The following GALNT10 variants were observed in gnomAD, a reference collection of about 807,000 sequenced individuals.
GALNT10 encodes GalNAc transferase 10.
GALNT10 carries 41 observed loss-of-function variants against 75.0 expected under a neutral mutation model. That is an observed-to-expected ratio of 0.55 (90% CI 0.43 to 0.71). The LOEUF is 0.71. Among genes scored for constraint, GALNT10 ranks in the 30% least tolerant of loss-of-function variants. The probability of loss-of-function intolerance (pLI) is 0.00; values close to 1 mark genes in which losing one functional copy is unlikely to be tolerated. For missense variants in GALNT10, 727 were observed against 818.5 expected (o/e 0.89, Z 1.36); for synonymous variants, 302 against 313.0 (o/e 0.96, Z 0.37).
Position 154,273,027 on chromosome 5 carries a change from C to T in GALNT10, c.160-21789C>T, listed in dbSNP as rs547491407. On this transcript the variant is annotated intron_variant, in intron 1 of 11. Transcript: ENST00000297107. ...GGCTGCAGATGGGGAATGCTGAGGG[C>T]GAGGGGTCAGCTGAGGCCAAGAGGG... Among the ~76,000 whole-genome samples the T allele has an allele frequency of 2.6e-5, 4 of 151,994 alleles. No individual in the cohort carries two copies. In the South Asian group the frequency reaches 6.2e-4, roughly 24 times the overall value.
rs1755715971 is a variant in GALNT10, at chr5:154,380,471, A to G, written c.778A>G (p.Thr260Ala). ...AGACCGCATTGCTCGGAACCGCAAG[A>G]CCATTGTGTGCCCGATGATTGATGT... The part of the protein sequence containing the change: ...LLDRIARNRK[T>A]IVCPMIDVID... The change falls in exon 6 of 12, where the codon ACC becomes GCC. Residue 260 changes from threonine to alanine, a missense_variant. Physicochemically the swap from Thr to Ala is moderately conservative, Grantham distance 58. Transcript: ENST00000297107. 1.2e-6 allele frequency: 2 copies of G among 1,614,086 alleles called. No individual in the cohort carries two copies. The highest frequency in any genetic ancestry group is 1.7e-6 in the Non-Finnish European group (2 of 1,179,968).
chr5:154,253,833 G>A lies in GALNT10; in HGVS notation c.160-40983G>A, dbSNP rs372498199. On this transcript the variant is annotated intron_variant, in intron 1 of 11. Coordinates refer to ENST00000297107, the MANE Select transcript of GALNT10 (RefSeq NM_198321.4). ...AATTCCTCTTTCCTTTGTCTCCATT[G>A]TTCCTGTCCTGCTCAGTTTGGACTT... Among the ~76,000 whole-genome samples, 10 of 144,088 alleles carry A rather than the reference G, an allele frequency of 6.9e-5. No individual in the cohort carries two copies. In the South Asian group the frequency reaches 8.7e-4, roughly 13 times the overall value. 94.5% of individuals were successfully genotyped at this position (144,088 alleles called of 152,430 possible).
intron 1 of GALNT10, among the ~76,000 whole-genome samples, chr5:154,247,452 G>A (rs1365268662): frequency 2.0e-5 from 3 of 152,160 alleles, no homozygotes; most frequent in Non-Finnish European, 4.4e-5. Flanking sequence ...AGCATGGAAT[G>A]TTCTTCTATT....
chr5:154,353,388 C>T (rs1261907811), intron 4 of GALNT10, among the ~76,000 whole-genome samples: 2 of 152,186 alleles, frequency 1.3e-5, no homozygotes, highest in Non-Finnish European at 2.9e-5. Context: ...ACACTTTCCA[C>T]GCCACCCAGA....
intron 1 of GALNT10, among the ~76,000 whole-genome samples, chr5:154,265,100 T>C (rs1452424401): frequency 6.6e-6 from 1 of 152,198 alleles, no homozygotes. Context: ...GATTTCTTGA[T>C]GAGTATTCTA....
At chr5:154,279,262 T>C (rs1276737149) in intron 1 of GALNT10, among the ~76,000 whole-genome samples, 1 of 151,150 alleles carries the variant, frequency 6.6e-6, no homozygotes, top group Non-Finnish European at 1.5e-5. Flanking sequence ...TAAAATGATA[T>C]TTAATGCTAG....
chr5:154,219,838 T>TCTCTCTCACACA (rs1491445463), intron 1 of GALNT10, among the ~76,000 whole-genome samples: 2,083 of 125,598 alleles, frequency 0.017, 46 homozygotes, highest in African/African-American at 0.057. Flanking sequence ...TCTCTCTCTC[T>TCTCTCTCACACA]CACACACACA....
At chr5:154,386,284 C>G in intron 6 of GALNT10, 29 bp from the exon 7 acceptor site, 1 of 1,534,366 alleles carries the variant, frequency 6.5e-7, no homozygotes, top group South Asian at 1.1e-5. Flanking sequence ...ACATCTGCAC[C>G]TTCACACCAT....
chr5:154,278,079 A>G (rs986392171), intron 1 of GALNT10, among the ~76,000 whole-genome samples: 4 of 152,252 alleles, frequency 2.6e-5, no homozygotes, highest in African/African-American at 9.6e-5. Context: ...CGGATGCTTC[A>G]GAAATTGACT....
intron 1 of GALNT10, among the ~76,000 whole-genome samples, chr5:154,277,764 T>G (rs1252636498): frequency 2.0e-5 from 3 of 152,172 alleles, no homozygotes; most frequent in Non-Finnish European, 2.9e-5. Flanking sequence ...TCAGGGCAAC[T>G]TTATTACCTT....
chr5:154,346,770 G>A (rs1351394307), intron 4 of GALNT10, among the ~76,000 whole-genome samples: 1 of 152,006 alleles, frequency 6.6e-6, no homozygotes, highest in Non-Finnish European at 1.5e-5. Context: ...AGTTGTTTGG[G>A]CTTTGAATCC....
At chr5:154,305,664 C>A (rs1312303156) in intron 3 of GALNT10, among the ~76,000 whole-genome samples, 2 of 152,146 alleles carry the variant, frequency 1.3e-5, no homozygotes, top group Admixed American at 6.5e-5. Context: ...ACATAGCAAT[C>A]CTAAATGTTT....
chr5:154,401,409 C>T (rs1409540615), intron 7 of GALNT10, among the ~76,000 whole-genome samples: 2 of 152,236 alleles, frequency 1.3e-5, no homozygotes, highest in Admixed American at 6.5e-5. Context: ...AGCCCAGCAG[C>T]GACCTGGGCA....
At chr5:154,283,432 G>A (rs1460590627) in intron 1 of GALNT10, among the ~76,000 whole-genome samples, 1 of 152,048 alleles carries the variant, frequency 6.6e-6, no homozygotes, top group Admixed American at 6.5e-5. Flanking sequence ...GCCAGCCTGG[G>A]CAGCAGAGCA....
At chr5:154,306,692 A>C (rs1453143799) in intron 3 of GALNT10, among the ~76,000 whole-genome samples, 1 of 152,146 alleles carries the variant, frequency 6.6e-6, no homozygotes, top group Non-Finnish European at 1.5e-5. Flanking sequence ...GGGATCAATG[A>C]AACAGAAAAT....
intron 4 of GALNT10, among the ~76,000 whole-genome samples, chr5:154,331,555 A>G (rs1433110681): frequency 3.3e-5 from 5 of 152,186 alleles, no homozygotes; most frequent in Non-Finnish European, 2.9e-5. Flanking sequence ...TAGTTAATAG[A>G]TGTCTATCAA....
chr5:154,302,041 C>T (rs1457867392), intron 3 of GALNT10, among the ~76,000 whole-genome samples: 5 of 152,274 alleles, frequency 3.3e-5, no homozygotes, highest in Admixed American at 6.5e-5. Context: ...ACAGATGTCT[C>T]GAAGAGATTT....
At chr5:154,313,988 A>G (rs1388278292) in intron 3 of GALNT10, among the ~76,000 whole-genome samples, 4 of 152,124 alleles carry the variant, frequency 2.6e-5, no homozygotes, top group Admixed American at 6.5e-5. Flanking sequence ...TGAGAATGTT[A>G]TATTTTAAGG....
At position 154,309,708 on chromosome 5, in the gene GALNT10, C is replaced by T. The variant is rs114024575; in HGVS notation, c.401+11629C>T. The stretch of plus-strand genomic sequence containing the variant: ...AGAGCAGCTGGGGAGATGGAGTTGC[C>T]ATCTGCAGGAATGGAGATGACTTTG... On this transcript the variant is annotated intron_variant, in intron 3 of 11. Coordinates refer to ENST00000297107, the MANE Select transcript of GALNT10 (RefSeq NM_198321.4). Among the ~76,000 whole-genome samples, 877 of 152,232 alleles carry T rather than the reference C, an allele frequency of 5.8e-3. 13 individuals are homozygous for T. Among genetic ancestry groups the T allele is most frequent in the African/African-American group, 0.02 (817 of 41,536 alleles).
Sources: gnomAD v4.1 joint callset for allele counts (sites outside exome capture counted in the v4.1 genomes callset) on GRCh38, gnomAD v4.1.1 for gene constraint, MANE v1.5 for transcripts, NCBI Gene and HGNC (gene_info 2026-07-23, HGNC 2026-07-21) for gene names.